ZNF732: variants seen among roughly 807,000 people sequenced by gnomAD.
ZNF732 encodes zinc finger protein 732, also known as zinc finger protein LOC654254.
A neutral mutation model predicts 11.5 loss-of-function variants in ZNF732; 12 were observed. The ratio of observed to expected loss-of-function variants is 1.05; its 90% CI spans 0.67 to 1.70. The LOEUF is 1.70. Among genes scored for constraint, ZNF732 ranks in the 40% most tolerant of loss-of-function variants. ZNF732 has a pLI of 0.00. For missense variants in ZNF732, 702 were observed against 676.9 expected (o/e 1.04, Z -0.41); for synonymous variants, 231 against 236.5 (o/e 0.98, Z 0.21).
chr4:295,906 G>C (rs1259264251), intron 2 of ZNF732, 123 bp downstream of exon 2: 4 of 1,256,952 alleles, frequency 3.2e-6, no homozygotes, highest in African/African-American at 1.5e-5. Context: ...ACTCCCAACA[G>C]TTTCTTGAAG....
rs1553842104 is a variant in ZNF732, at chr4:295,446, T to C, written c.218A>G (p.Lys73Arg). 1 of 1,605,906 alleles carries C rather than the reference T, an allele frequency of 6.2e-7. No homozygotes were observed. The stretch of plus-strand genomic sequence containing the variant: ...CATTCACTGTCACCTACCTGGGTGT[T>C]TGGCTACTGTCTCATGTATCTTCAC... ...YKVKIHETVA[K>R]HPAVCSHFTQ... is the part of the protein sequence containing the mutation. The change falls in exon 3 of 4, where the codon AAA (lysine) becomes AGA (arginine). Residue 73 changes from lysine to arginine, a missense_variant. By Grantham distance (26) the Lys-to-Arg change is conservative. Transcript: ENST00000419098.
intron 3 of ZNF732, among the ~76,000 whole-genome samples, chr4:285,608 C>T (rs908653940): frequency 6.6e-6 from 1 of 152,166 alleles, no homozygotes; most frequent in Non-Finnish European, 1.5e-5. Flanking sequence ...CCTTTGAGTA[C>T]TCAGTCCCCT....
chr4:303,113 G>A (rs782135201), intron 1 of ZNF732, among the ~76,000 whole-genome samples: 1 of 152,132 alleles, frequency 6.6e-6, no homozygotes, highest in Non-Finnish European at 1.5e-5. Flanking sequence ...AAAGCCCCGC[G>A]TCTATCACCT....
chr4:301,169 T>C (rs1469483084), intron 1 of ZNF732, among the ~76,000 whole-genome samples: 1 of 152,160 alleles, frequency 6.6e-6, no homozygotes, highest in Non-Finnish European at 1.5e-5. Flanking sequence ...CACAATGAGA[T>C]ACCATCTCAC....
At position 271,759 on chromosome 4, in the gene ZNF732, T is replaced by C. The variant is rs1553837567; in HGVS notation, c.1098A>G (p.Gln366=). ...CGGATTGTCTAAAGGCTTTGCCACA[T>C]TGTTCACATTTGTAGGGCTTCTCTC... ...HTGEKPYKCE[Q]CGKAFRQSAT... is the part of the protein sequence containing the mutation. Residue 366 remains glutamine, a synonymous_variant, in exon 4 of 4, where the codon CAA becomes CAG. Transcript: ENST00000419098. 1.9e-6 allele frequency: 3 copies of C among 1,610,164 alleles called. No homozygotes were observed. Among genetic ancestry groups the C allele is most frequent in the Admixed American group, 1.7e-5 (1 of 59,708 alleles).
At chr4:277,988 T>C (rs569638175) in intron 3 of ZNF732, among the ~76,000 whole-genome samples, 1 of 152,212 alleles carries the variant, frequency 6.6e-6, no homozygotes, top group Admixed American at 6.5e-5. Context: ...TGTCCAAAAC[T>C]TGGATGAATA....
At position 295,457 on chromosome 4, in the gene ZNF732, C is replaced by T; in HGVS notation, c.207G>A (p.Glu69=). The T allele has an allele frequency of 6.2e-7, 1 of 1,609,336 alleles. No individual in the cohort carries two copies. Among genetic ancestry groups the T allele is most frequent in the Non-Finnish European group, 8.5e-7 (1 of 1,177,626 alleles). ...RKEPYKVKIH[E]TVAKHPAVCS... ...ACCTACCTGGGTGTTTGGCTACTGT[C>T]TCATGTATCTTCACTTTGTAGGGCT... Residue 69 remains glutamate (E), a synonymous_variant, in exon 3 of 4, where the codon GAG becomes GAA. Transcript: ENST00000419098.
intron 1 of ZNF732, among the ~76,000 whole-genome samples, chr4:297,933 G>A (rs1365805559): frequency 1.3e-5 from 2 of 152,124 alleles, no homozygotes; most frequent in African/African-American, 4.8e-5. Context: ...TGTTCTCTAT[G>A]CCGCTAAGTT....
rs560927727 is a variant in ZNF732 at position 295,740 on chromosome 4, G to A, written c.131-207C>T. Among the ~76,000 whole-genome samples, 77 of 152,120 alleles carry A rather than the reference G, an allele frequency of 5.1e-4. 1 individual carries two copies. The South Asian group carries it at 0.015, about 30-fold the overall frequency. ...CAAGTACTACTGAATCAAAATAAGC[G>A]GTGCAAATTGTATTTTAAGATGTGG... On this transcript the variant is annotated intron_variant, in intron 2 of 3. Coordinates refer to ENST00000419098, the MANE Select transcript of ZNF732 (RefSeq NM_001137608.3).
chr4:294,823 CAG>C (rs781983489), intron 3 of ZNF732, among the ~76,000 whole-genome samples: 8 of 152,202 alleles, frequency 5.3e-5, no homozygotes, highest in Non-Finnish European at 8.8e-5. Flanking sequence ...TTTTCACATA[CAG>C]AGTTTAAATC....
rs568609838 is a variant in ZNF732, at chr4:278,260, CAT to C, written c.227-5632_227-5631del. Among the ~76,000 whole-genome samples, 665 of 152,274 alleles carry C rather than the reference CAT, an allele frequency of 4.4e-3. 4 individuals carry two copies. Among genetic ancestry groups the C allele is most frequent in the African/African-American group, 0.015 (636 of 41,562 alleles). ...TTAAGAAAAAAAATATGGACACACA[CAT>C]GGTACCACATCACTGTATCCAAAAT... On this transcript the variant is annotated intron_variant, in intron 3 of 3. Coordinates refer to ENST00000419098, the MANE Select transcript of ZNF732 (RefSeq NM_001137608.3).
At chr4:299,191 G>C (rs910123669) in intron 1 of ZNF732, among the ~76,000 whole-genome samples, 1 of 151,564 alleles carries the variant, frequency 6.6e-6, no homozygotes, top group African/African-American at 2.4e-5. Context: ...TCTCATGGAG[G>C]CTCCTTCAAC....
At chr4:289,928 C>T (rs1719805911) in intron 3 of ZNF732, among the ~76,000 whole-genome samples, 1 of 152,018 alleles carries the variant, frequency 6.6e-6, no homozygotes, top group Admixed American at 6.6e-5. Flanking sequence ...TTACAAAAGC[C>T]AAAACATGAA....
chr4:293,091 A>C (rs1471614899), intron 3 of ZNF732, among the ~76,000 whole-genome samples: 2 of 142,628 alleles, frequency 1.4e-5, no homozygotes, highest in African/African-American at 2.6e-5. Context: ...AAAAAAAAAA[A>C]CCAGTAAGAA....
intron 3 of ZNF732, among the ~76,000 whole-genome samples, chr4:294,216 G>A (rs1719900703): frequency 6.6e-6 from 1 of 152,112 alleles, no homozygotes; most frequent in Non-Finnish European, 1.5e-5. Flanking sequence ...TGGCCAGGCT[G>A]GTCTCGAATT....
At chr4:281,904 T>C (rs1159787298) in intron 3 of ZNF732, among the ~76,000 whole-genome samples, 7 of 152,296 alleles carry the variant, frequency 4.6e-5, no homozygotes, top group East Asian at 1.9e-4. Flanking sequence ...AAAATAATTA[T>C]CTTTAAAAAT....
chr4:272,304 G>A lies in ZNF732; in HGVS notation c.553C>T (p.His185Tyr), dbSNP rs369852834. The A allele has an allele frequency of 9.3e-6, 15 of 1,612,710 alleles. No homozygotes were observed. In the African/African-American group the frequency reaches 1.6e-4, roughly 17 times the overall value. ...TTCTCTCCAGCATGAATTCCTTGAT[G>A]TTGAGTTAGGTCTGAGAACTTCTGA... Reference protein sequence around the residue: ...SFQKFSDLTQHQGIHAGEKPY... With the variant: ...SFQKFSDLTQYQGIHAGEKPY... The change falls in exon 4 of 4, where the codon CAT becomes TAT. Residue 185 changes from histidine to tyrosine, a missense_variant. His to Tyr is a moderately conservative substitution (Grantham distance 83). Transcript: ENST00000419098.
At position 299,461 on chromosome 4, in the gene ZNF732, G is replaced by GTGTA. The variant is rs1720052039; in HGVS notation, c.4-3307_4-3306insTACA. ...TATATATATATATATACACATATGT[G>GTGTA]TATATATATATACACATATATACAC... On this transcript the variant is annotated intron_variant, in intron 1 of 3. Transcript: ENST00000419098. 4.0e-4 allele frequency among the ~76,000 whole-genome samples: 33 copies of GTGTA among 83,544 alleles called. 4 individuals are homozygous for GTGTA. The highest frequency in any genetic ancestry group is 8.9e-3 in the Middle Eastern group (1 of 112). The allele number at this position is 83,544 out of a possible 152,430, so 54.8% of individuals were successfully genotyped here.
rs183036052 is a variant in ZNF732, at chr4:293,284, A to G, written c.226+2154T>C. Among the ~76,000 whole-genome samples, 323 of 142,350 alleles carry G rather than the reference A, an allele frequency of 2.3e-3. 1 individual carries two copies. Among genetic ancestry groups the G allele is most frequent in the East Asian group, 3.9e-3 (19 of 4,934 alleles). The allele number at this position is 142,350 out of a possible 152,430, so 93.4% of individuals were successfully genotyped here. A position where few individuals can be genotyped will look rare whatever the true frequency, so the allele number is the denominator to read the frequency against. On this transcript the variant is annotated intron_variant, in intron 3 of 3. Coordinates refer to ENST00000419098, the MANE Select transcript of ZNF732 (RefSeq NM_001137608.3). Reference sequence around the variant, plus strand: ...CATATATATGTATATATGTATGTGTATATATATATATATATGTGTGTGTGT... The same window carrying G: ...CATATATATGTATATATGTATGTGTGTATATATATATATATGTGTGTGTGT...
Sources: allele counts gnomAD v4.1 joint callset (sites outside exome capture counted in the v4.1 genomes callset), GRCh38; gene constraint gnomAD v4.1.1; transcripts MANE v1.5; gene names NCBI Gene and HGNC (gene_info 2026-07-23, HGNC 2026-07-21).